The following PCDHA2 variants were observed in gnomAD, a reference collection of about 807,000 sequenced individuals.
PCDHA2 encodes the protein protocadherin alpha 2.
A neutral mutation model predicts 66.0 loss-of-function variants in PCDHA2; 58 were observed. That is an observed-to-expected ratio of 0.88 (90% confidence interval 0.71 to 1.09). The LOEUF (loss-of-function observed/expected upper bound fraction) is 1.09. Among genes scored for constraint, PCDHA2 ranks in the 50% least tolerant of loss-of-function variants. The pLI is 0.00. For synonymous variants in PCDHA2, 634 were observed against 554.0 expected (o/e 1.14, Z -2.03); for missense variants, 1,267 against 1,242.3 (o/e 1.02, Z -0.30).
chr5:140,823,839 C>A (rs2150129665), intron 1 of PCDHA2: 2 of 1,613,784 alleles, frequency 1.2e-6, no homozygotes, highest in Non-Finnish European at 1.7e-6. Flanking sequence ...CTGTGGGTCC[C>A]GAGGCTGCCC....
intron 1 of PCDHA2, chr5:140,842,088 A>T: frequency 6.2e-7 from 1 of 1,613,938 alleles, no homozygotes. Context: ...GAAAACGCAG[A>T]CAACGGAACA....
chr5:140,844,611 T>C (rs1779461835), intron 1 of PCDHA2, among the ~76,000 whole-genome samples: 1 of 149,406 alleles, frequency 6.7e-6, no homozygotes, highest in Non-Finnish European at 1.5e-5. Context: ...CTTAGAAAAA[T>C]GTTTTCATCA....
rs201271180 is a variant in PCDHA2, at chr5:140,836,512, T to A, written c.2388+39160T>A. 12 of 1,613,844 alleles carry A rather than the reference T, an allele frequency of 7.4e-6. No individual in the cohort carries two copies. The highest frequency in any genetic ancestry group is 1.0e-5 in the Non-Finnish European group (12 of 1,179,842). On this transcript the variant is annotated intron_variant, in intron 1 of 3. Coordinates refer to ENST00000526136, the MANE Select transcript of PCDHA2 (RefSeq NM_018905.3). ...ATCGCCATCTGCGCGGTGTCCAGTC[T>A]GTTGGTGCTTACCCTGCTGCTGTAC... is the stretch of plus-strand genomic sequence containing the variant.
chr5:140,973,815 A>G (rs2096603789), intron 1 of PCDHA2, among the ~76,000 whole-genome samples: 1 of 152,224 alleles, frequency 6.6e-6, no homozygotes, highest in Admixed American at 6.5e-5. Flanking sequence ...CAGAATAGCA[A>G]AGTCAGTTCT....
intron 1 of PCDHA2, among the ~76,000 whole-genome samples, chr5:140,800,771 T>C (rs1762599248): frequency 6.6e-6 from 1 of 152,372 alleles, no homozygotes; most frequent in Non-Finnish European, 1.5e-5. Context: ...ATATTTCCAA[T>C]AGATGTCCAC....
At chr5:140,903,597 T>C (rs1182384058) in intron 1 of PCDHA2, among the ~76,000 whole-genome samples, 1 of 152,218 alleles carries the variant, frequency 6.6e-6, no homozygotes, top group African/African-American at 2.4e-5. Flanking sequence ...GCCTGATAAA[T>C]GCTTAATACA....
Position 140,875,940 on chromosome 5 carries a change from C to T in PCDHA2, c.2388+78588C>T, listed in dbSNP as rs782320801. ...TGGACTCTCATTTTCCTCTAGAGGG[C>T]GCTTCTGATGCGGATATCGGCGTAA... On this transcript the variant is annotated intron_variant, in intron 1 of 3. Transcript: ENST00000526136. 5.0e-6 allele frequency: 8 copies of T among 1,613,964 alleles called. No individual in the cohort carries two copies. In the South Asian group the frequency reaches 6.6e-5, roughly 13 times the overall value.
intron 1 of PCDHA2, chr5:140,802,179 C>G: frequency 6.2e-7 from 1 of 1,614,140 alleles, no homozygotes; most frequent in Non-Finnish European, 8.5e-7. Context: ...TAAAGGAAAT[C>G]CCCCAATGTC....
chr5:141,008,579 T>C (rs1554261820), intron 3 of PCDHA2, among the ~76,000 whole-genome samples: 1 of 152,232 alleles, frequency 6.6e-6, no homozygotes, highest in African/African-American at 2.4e-5. Flanking sequence ...TTCCCAAGAC[T>C]CAGGGCAGAT....
chr5:140,998,442 T>G lies in PCDHA2; in HGVS notation c.2537-11185T>G, dbSNP rs368931467. On this transcript the variant is annotated intron_variant, in intron 3 of 3. Coordinates refer to ENST00000526136, the MANE Select transcript of PCDHA2 (RefSeq NM_018905.3). ...GGTTTATCCTTTAACACTATTATTGTATTTATTCATTTACTTGTCTTTTCC... is the reference window on the plus strand; with the variant it reads ...GGTTTATCCTTTAACACTATTATTGGATTTATTCATTTACTTGTCTTTTCC... 1.7e-4 allele frequency among the ~76,000 whole-genome samples: 26 copies of G among 152,352 alleles called. No individual in the cohort carries two copies. In the South Asian group the frequency reaches 5.2e-3, roughly 30 times the overall value.
At chr5:140,863,386 T>A in intron 1 of PCDHA2, 1 of 1,032,574 alleles carries the variant, frequency 9.7e-7, no homozygotes, top group Non-Finnish European at 1.4e-6. Context: ...CGAGAGCTCG[T>A]GCATGCCGGG....
intron 3 of PCDHA2, among the ~76,000 whole-genome samples, chr5:140,991,403 C>A (rs1230118485): frequency 6.6e-6 from 1 of 152,116 alleles, no homozygotes; most frequent in African/African-American, 2.4e-5. Context: ...TATTTATTTC[C>A]CATTATGCTA....
intron 1 of PCDHA2, chr5:140,877,758 G>C: frequency 6.2e-7 from 1 of 1,614,190 alleles, no homozygotes; most frequent in Non-Finnish European, 8.5e-7. Context: ...GCTCTGCAGA[G>C]AGCCCGCCCA....
intron 1 of PCDHA2, chr5:140,813,234 G>C (rs1010931679): frequency 6.6e-6 from 1 of 152,092 alleles, no homozygotes; most frequent in Admixed American, 6.6e-5. Context: ...TTGAAAGTAG[G>C]ATACCAAAAT....
At chr5:140,995,500 G>A (rs541415385) in intron 3 of PCDHA2, among the ~76,000 whole-genome samples, 22 of 152,298 alleles carry the variant, frequency 1.4e-4, no homozygotes, top group Admixed American at 1.2e-3. Flanking sequence ...AAGGTTGACT[G>A]TGGGTAACTG....
chr5:140,835,725 G>C (rs2150243206), intron 1 of PCDHA2: 1 of 1,613,874 alleles, frequency 6.2e-7, no homozygotes. Context: ...GGTGGCCGAC[G>C]TGAACGACAA....
chr5:140,841,942 G>A (rs782585839), intron 1 of PCDHA2: 15 of 1,613,920 alleles, frequency 9.3e-6, no homozygotes, highest in East Asian at 2.2e-5. Context: ...ACGCTCCTGC[G>A]CACCACTTAT....
intron 1 of PCDHA2, chr5:140,823,015 C>G: frequency 1.9e-6 from 3 of 1,614,224 alleles, no homozygotes; most frequent in Non-Finnish European, 2.5e-6. Flanking sequence ...CGCCCTGGAC[C>G]GCGAGAGCGT....
Position 140,795,008 on chromosome 5 carries a change from T to G in PCDHA2, c.44T>G (p.Leu15Arg). The G allele has an allele frequency of 6.2e-7, 1 of 1,613,774 alleles. No individual in the cohort carries two copies. The highest frequency in any genetic ancestry group is 8.5e-7 in the Non-Finnish European group (1 of 1,179,926). The change falls in exon 1 of 4, where the codon CTG becomes CGG. Residue 15 changes from leucine (L) to arginine (R), a missense_variant. Coordinates refer to ENST00000526136, the MANE Select transcript of PCDHA2 (RefSeq NM_018905.3). ...IRRGRGAWTRLLSLLLLAAWE... is the reference protein window; with the variant it reads ...IRRGRGAWTRRLSLLLLAAWE... ...AGGGGCCGAGGGGCCTGGACACGGC[T>G]GCTCTCGCTTCTGCTCCTCGCAGCC...
Sources: gnomAD v4.1 joint callset for allele counts (sites outside exome capture counted in the v4.1 genomes callset) on GRCh38, gnomAD v4.1.1 for gene constraint, MANE v1.5 for transcripts, NCBI Gene and HGNC (gene_info 2026-07-23, HGNC 2026-07-21) for gene names.